FA2H: variants seen among roughly 807,000 people sequenced by gnomAD.
FA2H encodes fatty acid 2-hydroxylase, also known as fatty acid alpha-hydroxylase.
FA2H carries 22 observed loss-of-function variants against 44.9 expected under a neutral mutation model. The observed-to-expected ratio is 0.49, with a 90% CI of 0.35 to 0.70. The LOEUF is 0.70. Ranked by LOEUF, FA2H falls within the 30% of genes least tolerant of loss-of-function variation. FA2H has a pLI of 0.01. For synonymous variants in FA2H, 243 were observed against 213.2 expected (o/e 1.14, Z -1.22); for missense variants, 501 against 504.9 (o/e 0.99, Z 0.07).
chr16:74,728,237 A>C (rs575099207), intron 2 of FA2H, among the ~76,000 whole-genome samples: 2 of 152,364 alleles, frequency 1.3e-5, no homozygotes, highest in South Asian at 2.1e-4. Flanking sequence ...CAGCCTGGGC[A>C]ATAGTTCGAG....
At chr16:74,717,310 G>C (rs888446283) in intron 5 of FA2H, among the ~76,000 whole-genome samples, 3 of 152,178 alleles carry the variant, frequency 2.0e-5, no homozygotes, top group African/African-American at 7.2e-5. Context: ...GAGAGAGAAA[G>C]CAGGTGACAG....
At chr16:74,768,958 T>C (rs1337225715) in intron 1 of FA2H, among the ~76,000 whole-genome samples, 1 of 152,038 alleles carries the variant, frequency 6.6e-6, no homozygotes, top group Non-Finnish European at 1.5e-5. Flanking sequence ...CATGGTCAGC[T>C]GGCATAGTCA....
intron 1 of FA2H, among the ~76,000 whole-genome samples, chr16:74,750,870 T>G (rs1354931195): frequency 6.7e-6 from 1 of 150,188 alleles, no homozygotes; most frequent in Non-Finnish European, 1.5e-5. Flanking sequence ...CAGCCTCGAG[T>G]TCCTGGGCTC....
chr16:74,724,088 G>T (rs1166980744), intron 4 of FA2H, among the ~76,000 whole-genome samples: 2 of 152,020 alleles, frequency 1.3e-5, no homozygotes, highest in Non-Finnish European at 2.9e-5. Context: ...TTTTAGTAGA[G>T]ACTGGGTTTC....
intron 1 of FA2H, among the ~76,000 whole-genome samples, chr16:74,755,529 A>T (rs1157806895): frequency 2.6e-5 from 4 of 152,222 alleles, no homozygotes; most frequent in Non-Finnish European, 5.9e-5. Context: ...CCTTTGCTGC[A>T]TATAACCATT....
chr16:74,726,042 G>A lies in FA2H; in HGVS notation c.613+183C>T, dbSNP rs541135868. ...TGTTGTTGGGTTTTGTATCCATTTG[G>A]GGGGTAGATGGGAGTCAGACAAAAT... On this transcript the variant is annotated intron_variant, in intron 4 of 6. Transcript: ENST00000219368. 9 of 599,492 alleles carry A rather than the reference G, an allele frequency of 1.5e-5. No individual in the cohort carries two copies. In the East Asian group the frequency reaches 2.6e-4, roughly 18 times the overall value. The allele number at this position is 599,492 out of a possible 1,614,324, so 37.1% of individuals were successfully genotyped here.
intron 4 of FA2H, 87 bp downstream of exon 4, chr16:74,726,138 G>A (rs980801234): frequency 1.1e-6 from 1 of 874,700 alleles, no homozygotes; most frequent in Admixed American, 1.9e-5. Flanking sequence ...GGGGTTCTGT[G>A]CTCTCAGAAA....
At chr16:74,725,270 T>C (rs1251316600) in intron 4 of FA2H, among the ~76,000 whole-genome samples, 1 of 152,170 alleles carries the variant, frequency 6.6e-6, no homozygotes, top group East Asian at 1.9e-4. Flanking sequence ...ATTCAGGCAC[T>C]TGACTTGCAG....
chr16:74,732,470 T>G (rs1271253269), intron 2 of FA2H, among the ~76,000 whole-genome samples: 1 of 151,810 alleles, frequency 6.6e-6, no homozygotes. Context: ...TGAGTCTCAC[T>G]CTGTCACCCA....
At chr16:74,748,491 C>G (rs538328649) in intron 1 of FA2H, among the ~76,000 whole-genome samples, 92 of 152,260 alleles carry the variant, frequency 6.0e-4, no homozygotes, top group Non-Finnish European at 1.0e-3. Flanking sequence ...CAAGTGATTG[C>G]TGGACGGGCG....
At chr16:74,722,768 G>T (rs1010333665) in intron 4 of FA2H, among the ~76,000 whole-genome samples, 1 of 152,090 alleles carries the variant, frequency 6.6e-6, no homozygotes, top group Non-Finnish European at 1.5e-5. Context: ...AAAATTAGCC[G>T]GTCATGGTGG....
intron 1 of FA2H, among the ~76,000 whole-genome samples, chr16:74,756,474 C>T (rs546463875): frequency 3.9e-5 from 6 of 152,202 alleles, no homozygotes; most frequent in African/African-American, 1.4e-4. Context: ...AGGGCAAGCC[C>T]GGCAGCCCTA....
In FA2H at chr16:74,720,661, C is replaced by T. The variant is rs536947969; in HGVS notation, c.614-1501G>A. On this transcript the variant is annotated intron_variant, in intron 4 of 6. Transcript: ENST00000219368. ...TAGTACACTCACAAAGTTGTTAAAC[C>T]GTCACCCCAGTCAATTTTACAACAT... Among the ~76,000 whole-genome samples, 92 of 152,206 alleles carry T rather than the reference C, an allele frequency of 6.0e-4. 1 individual carries two copies. The South Asian group carries it at 0.016, about 27-fold the overall frequency.
intron 6 of FA2H, 99 bp downstream of exon 6, chr16:74,716,248 C>A (rs914964509): frequency 1.3e-5 from 19 of 1,409,208 alleles, no homozygotes; most frequent in Middle Eastern, 3.7e-4. Flanking sequence ...ATGCCCCGTA[C>A]ATGGAACAGT....
Position 74,750,790 on chromosome 16 carries a change from T to TGC in FA2H, c.271-10676_271-10675insGC, listed in dbSNP as rs1555540831. Among the ~76,000 whole-genome samples, 379 of 151,488 alleles carry TGC rather than the reference T, an allele frequency of 2.5e-3. 2 individuals carry two copies. The highest frequency in any genetic ancestry group is 8.8e-3 in the African/African-American group (362 of 41,204). Reference sequence around the variant, plus strand: ...GTGTGTGTGTGTGTGTGTGTGTGTGTTTAAGAGACAGGGTCTCGCTCTGTC... The same window carrying TGC: ...GTGTGTGTGTGTGTGTGTGTGTGTGTGCTTAAGAGACAGGGTCTCGCTCTGTC... On this transcript the variant is annotated intron_variant, in intron 1 of 6. Transcript: ENST00000219368.
intron 2 of FA2H, 106 bp from the exon 3 acceptor site, chr16:74,727,492 C>A: frequency 7.9e-7 from 1 of 1,264,018 alleles, no homozygotes; most frequent in Non-Finnish European, 1.1e-6. Flanking sequence ...ACCTCAGCTC[C>A]TGTGATCTGT....
At chr16:74,741,669 C>T (rs1962298055) in intron 1 of FA2H, among the ~76,000 whole-genome samples, 1 of 151,102 alleles carries the variant, frequency 6.6e-6, no homozygotes, top group African/African-American at 2.4e-5. Flanking sequence ...CCATGTTGCC[C>T]AGACTGGTCT....
Position 74,737,776 on chromosome 16 carries a change from C to T in FA2H, c.363+2247G>A, listed in dbSNP as rs140198648. Among the ~76,000 whole-genome samples the T allele has an allele frequency of 9.2e-5, 14 of 152,296 alleles. No individual in the cohort carries two copies. In the East Asian group the frequency reaches 1.7e-3, roughly 19 times the overall value. ...AACCCACCCCAGGCCTGGGGACCCT[C>T]GGCTGAGACAAAGCTGCCACCTTCA... On this transcript the variant is annotated intron_variant, in intron 2 of 6. Transcript: ENST00000219368.
Position 74,748,890 on chromosome 16 carries a change from T to C in FA2H, c.271-8775A>G, listed in dbSNP as rs184573069. 2.5e-3 allele frequency among the ~76,000 whole-genome samples: 373 copies of C among 152,236 alleles called. 2 individuals are homozygous for C. The highest frequency in any genetic ancestry group is 8.7e-3 in the African/African-American group (360 of 41,550). ...AGCCTGGATTTTGCCTGAAAACCCT[T>C]TTTCTGAAAGGGAATGGTTGCCTCG... On this transcript the variant is annotated intron_variant, in intron 1 of 6. Coordinates refer to ENST00000219368, the MANE Select transcript of FA2H (RefSeq NM_024306.5).
Sources: gnomAD v4.1 joint callset for allele counts (sites outside exome capture counted in the v4.1 genomes callset) on GRCh38, gnomAD v4.1.1 for gene constraint, MANE v1.5 for transcripts, NCBI Gene and HGNC (gene_info 2026-07-23, HGNC 2026-07-21) for gene names.